The following FAM234A variants were observed in gnomAD, a reference collection of about 807,000 sequenced individuals.
FAM234A encodes family with sequence similarity 234 member A, also known as protein FAM234A.
FAM234A carries 42 observed loss-of-function variants against 49.1 expected under a neutral mutation model. That is an observed-to-expected ratio of 0.86 (90% confidence interval 0.67 to 1.11). The LOEUF is 1.11. Ranked by LOEUF, FAM234A falls within the 50% of genes least tolerant of loss-of-function variation. The pLI is 0.00. For synonymous variants in FAM234A, 369 were observed against 316.2 expected, an observed-to-expected ratio of 1.17 and a Z score of -1.77; for missense variants, 815 against 745.2, an observed-to-expected ratio of 1.09 and a Z score of -1.09.
chr16:264,561 C>T lies in FAM234A; in HGVS notation c.1345-53C>T, dbSNP rs1050264559. 4 of 1,155,854 alleles carry T rather than the reference C, an allele frequency of 3.5e-6. No homozygotes were observed. The African/African-American group carries it at 6.0e-5, about 17-fold the overall frequency. 71.6% of individuals were successfully genotyped at this position (1,155,854 alleles called of 1,614,324 possible). A position where few individuals can be genotyped will look rare whatever the true frequency, so the allele number is the denominator to read the frequency against. ...GCACGGTCACTCTGACAGCAGTGTC[C>T]TGTGGGAGTGCTCAGTGAAGGGCGT... On this transcript the variant is annotated intron_variant, in intron 11 of 12. Coordinates refer to ENST00000399932, the MANE Select transcript of FAM234A (RefSeq NM_032039.4).
intron 1 of FAM234A, among the ~76,000 whole-genome samples, chr16:238,372 G>A (rs938136887): frequency 1.3e-5 from 2 of 152,118 alleles, no homozygotes; most frequent in Non-Finnish European, 2.9e-5. Flanking sequence ...TGGGACAAGA[G>A]TGCCTGGTCC....
At chr16:254,249 T>C in intron 2 of FAM234A, 132 bp from the exon 3 acceptor site, 2 of 709,904 alleles carry the variant, frequency 2.8e-6, no homozygotes, top group South Asian at 1.7e-5. Context: ...TTAGCTTTTA[T>C]TTCCTGGGCT....
In FAM234A at chr16:264,997, G is replaced by C. The variant is rs1043102; in HGVS notation, c.1634G>C (p.Arg545Pro). 1 of 1,610,290 alleles carries C rather than the reference G, an allele frequency of 6.2e-7. No individual in the cohort carries two copies. Among genetic ancestry groups the C allele is most frequent in the Non-Finnish European group, 8.5e-7 (1 of 1,178,356 alleles). Residue 545 changes from arginine (R) to proline (P), a missense_variant, in exon 13 of 13, where the codon CGG (arginine) becomes CCG (proline). Arg to Pro is a moderately radical substitution (Grantham distance 103). Transcript: ENST00000399932. ...CAAGCCATCAGGGACCGGTTCTCCC[G>C]GCTGCGGTACCAGAGTGAGGCGTAG... ...SDQAIRDRFSRLRYQSEA is the reference protein window; with the variant it reads ...SDQAIRDRFSPLRYQSEA
rs781654093 is a variant in FAM234A, at chr16:263,794, G to C, written c.1188+19G>C. ...CAGACAGGTTCGTTGTTCTTCCTTC[G>C]GAGGTGGCACCTTTGTTCTTAGCTG... On this transcript the variant is annotated intron_variant, in intron 10 of 12. Transcript: ENST00000399932. 2 of 1,595,824 alleles carry C rather than the reference G, an allele frequency of 1.3e-6. No homozygotes were observed. Among genetic ancestry groups the C allele is most frequent in the South Asian group, 2.2e-5 (2 of 90,674 alleles).
chr16:249,276 G>A (rs553418964), intron 1 of FAM234A, among the ~76,000 whole-genome samples: 3 of 152,016 alleles, frequency 2.0e-5, no homozygotes, highest in South Asian at 2.1e-4. Flanking sequence ...GGGATGAACC[G>A]AACAAGGGCA....
At chr16:268,779 C>G, downstream of FAM234A, 3 of 1,550,008 alleles carry the variant, frequency 1.9e-6, no homozygotes, top group Non-Finnish European at 2.6e-6. Context: ...CTTCCAGGCT[C>G]ACACTGGGCG....
intron 1 of FAM234A, among the ~76,000 whole-genome samples, chr16:243,664 C>T (rs578142635): frequency 6.6e-6 from 1 of 152,284 alleles, no homozygotes; most frequent in Admixed American, 6.5e-5. Flanking sequence ...AGTCAAGTTT[C>T]CAAAAAGGAA....
At chr16:254,345 T>G in intron 2 of FAM234A, 36 bp from the exon 3 acceptor site, 1 of 1,568,626 alleles carries the variant, frequency 6.4e-7, no homozygotes, top group Non-Finnish European at 8.7e-7. Context: ...GCCGTGGGAC[T>G]GCTGGCCTCG....
chr16:252,221 G>A (rs1336963232), intron 2 of FAM234A, among the ~76,000 whole-genome samples: 5 of 136,662 alleles, frequency 3.7e-5, no homozygotes, highest in Non-Finnish European at 7.7e-5. Flanking sequence ...TCTCACTGTC[G>A]CCCAGGCTGG....
rs2051628923 is a variant in FAM234A, at chr16:264,776, G to A, written c.1448-35G>A. ...CGCGGGGTCTGCCCTGGCTGGTCCT[G>A]AGCCGCCCTGACAGCTGTGTCCCCC... On this transcript the variant is annotated intron_variant, in intron 12 of 12. Coordinates refer to ENST00000399932, the MANE Select transcript of FAM234A (RefSeq NM_032039.4). The A allele has an allele frequency of 1.9e-6, 3 of 1,607,346 alleles. No homozygotes were observed. The East Asian group carries it at 6.7e-5, about 36-fold the overall frequency.
At chr16:238,215 C>T (rs543428494) in intron 1 of FAM234A, among the ~76,000 whole-genome samples, 3 of 152,206 alleles carry the variant, frequency 2.0e-5, no homozygotes, top group South Asian at 2.1e-4. Context: ...GACGAGGTTT[C>T]GCCATGTTGG....
intron 3 of FAM234A, among the ~76,000 whole-genome samples, chr16:257,943 C>T (rs1187203791): frequency 6.6e-6 from 1 of 152,034 alleles, no homozygotes; most frequent in African/African-American, 2.4e-5. Flanking sequence ...CTGCAGCCTC[C>T]ACCTCCTGGG....
In FAM234A at chr16:262,438, G is replaced by A. The variant is rs376511500; in HGVS notation, c.856G>A (p.Gly286Ser). The A allele has an allele frequency of 2.7e-5, 43 of 1,606,120 alleles. No individual in the cohort carries two copies. The highest frequency in any genetic ancestry group is 4.5e-5 in the East Asian group (2 of 44,760). Residue 286 changes from glycine to serine, a missense_variant, in exon 8 of 13, where the codon GGC (glycine) becomes AGC (serine). Transcript: ENST00000399932. ...ILFPCASSLC[G>S]CSVKGLYEKV... ...GTTTTGAATAGCAAGCTCCCTCTGC[G>A]GCTGCTCTGTGAAGGGTCTCTACGA...
chr16:265,076 C>T lies in FAM234A; in HGVS notation c.*54C>T. On this transcript the variant is annotated 3_prime_UTR_variant, in exon 13 of 13. Coordinates refer to ENST00000399932, the MANE Select transcript of FAM234A (RefSeq NM_032039.4). Reference sequence around the variant, plus strand: ...ACTCCGCCTGCTGACACTAAACGTCCTGGGAAGTGGGCCCTTCCCTGGGTC... The same window carrying T: ...ACTCCGCCTGCTGACACTAAACGTCTTGGGAAGTGGGCCCTTCCCTGGGTC... The T allele has an allele frequency of 6.5e-7, 1 of 1,539,260 alleles. No individual in the cohort carries two copies. Among genetic ancestry groups the T allele is most frequent in the Non-Finnish European group, 8.8e-7 (1 of 1,142,432 alleles).
At chr16:264,200 G>T (rs773791056) in intron 11 of FAM234A, 29 bp downstream of exon 11, 3 of 1,567,440 alleles carry the variant, frequency 1.9e-6, no homozygotes, top group Non-Finnish European at 2.6e-6. Context: ...GAGCAGCCAT[G>T]CTGGGAGCCG....
intron 10 of FAM234A, 100 bp from the exon 11 acceptor site, chr16:263,915 CT>C: frequency 6.9e-7 from 1 of 1,451,758 alleles, no homozygotes; most frequent in African/African-American, 1.4e-5. Context: ...GAGCATCTGC[CT>C]CCAGGGCTGG....
chr16:262,588 C>G, intron 8 of FAM234A, 35 bp downstream of exon 8: 1 of 1,541,856 alleles, frequency 6.5e-7, no homozygotes, highest in Non-Finnish European at 8.7e-7. Context: ...CCATGCAGAG[C>G]GCCCACCCCA....
intron 3 of FAM234A, among the ~76,000 whole-genome samples, chr16:258,430 G>T (rs954725439): frequency 1.3e-5 from 2 of 152,124 alleles, no homozygotes; most frequent in African/African-American, 4.8e-5. Flanking sequence ...ATTCAACCCT[G>T]AGTGGACACA....
chr16:260,139 A>G lies in FAM234A; in HGVS notation c.556A>G (p.Ile186Val), dbSNP rs200409631. 4.3e-6 allele frequency: 7 copies of G among 1,613,730 alleles called. No individual in the cohort carries two copies. In the East Asian group the frequency reaches 1.6e-4, roughly 36 times the overall value. ...CILVGRPSSF[I>V]AVNLFTGETL... is the part of the protein sequence containing the mutation. ...CCTGGTGGGCAGACCCAGTTCTTTC[A>G]TTGCAGTCAACTTGTTCACAGGTAG... is the stretch of plus-strand genomic sequence containing the variant. The change falls in exon 5 of 13, where the codon ATT becomes GTT. Residue 186 changes from isoleucine (I) to valine (V), a missense_variant. By Grantham distance (29) the Ile-to-Val change is conservative. Coordinates refer to ENST00000399932, the MANE Select transcript of FAM234A (RefSeq NM_032039.4).
Sources: allele counts gnomAD v4.1 joint callset (sites outside exome capture counted in the v4.1 genomes callset), GRCh38; gene constraint gnomAD v4.1.1; transcripts MANE v1.5; gene names NCBI Gene and HGNC (gene_info 2026-07-23, HGNC 2026-07-21).